EVC: variants seen among roughly 807,000 people sequenced by gnomAD.
EVC encodes the protein evC complex member EVC.
EVC carries 116 observed loss-of-function variants against 118.9 expected under a neutral mutation model. That is an observed-to-expected ratio of 0.98 (90% confidence interval 0.84 to 1.14). EVC has a LOEUF of 1.14. Ranked by LOEUF, EVC falls within the 50% of genes most tolerant of loss-of-function variation. The pLI, the probability that EVC is intolerant of heterozygous loss-of-function variation, is 0.00. For synonymous variants in EVC, 619 were observed against 534.7 expected, an observed-to-expected ratio of 1.16 and a Z score of -2.18; for missense variants, 1,401 against 1,246.4, an observed-to-expected ratio of 1.12 and a Z score of -1.87.
chr4:5,782,488 G>T (rs865959185), intron 11 of EVC, among the ~76,000 whole-genome samples: 1 of 109,108 alleles, frequency 9.2e-6, no homozygotes. Flanking sequence ...CCACCTCCCA[G>T]GTTCACGCCA....
In EVC at chr4:5,737,663, C is replaced by T. The variant is rs1026659563; in HGVS notation, c.703-4053C>T. On this transcript the variant is annotated intron_variant, in intron 5 of 20. Coordinates refer to ENST00000264956, the MANE Select transcript of EVC (RefSeq NM_153717.3). The surrounding 1 kb of genome is among the most constrained non-coding windows in gnomAD (Gnocchi z 5.0). Reference sequence around the variant, plus strand: ...GTGCTCTATAAGTGGAACAACAAAGCCTGGATCACAACACAGCTGTTTATA... The same window carrying T: ...GTGCTCTATAAGTGGAACAACAAAGTCTGGATCACAACACAGCTGTTTATA... Among the ~76,000 whole-genome samples, 1 of 152,152 alleles carries T rather than the reference C, an allele frequency of 6.6e-6. No individual in the cohort carries two copies. Among genetic ancestry groups the T allele is most frequent in the Non-Finnish European group, 1.5e-5 (1 of 68,016 alleles).
chr4:5,750,084 G>T (rs1184784977), intron 8 of EVC, among the ~76,000 whole-genome samples: 1 of 152,076 alleles, frequency 6.6e-6, no homozygotes, highest in African/African-American at 2.4e-5. Context: ...CGAAAGATAG[G>T]TATGGAAGAT....
Position 5,798,486 on chromosome 4 carries a change from C to A in EVC, c.2098-100C>A. 8.0e-7 allele frequency: 1 copy of A among 1,253,132 alleles called. No individual in the cohort carries two copies. Among genetic ancestry groups the A allele is most frequent in the South Asian group, 1.3e-5 (1 of 77,816 alleles). 77.6% of individuals were successfully genotyped at this position (1,253,132 alleles called of 1,614,324 possible). The stretch of plus-strand genomic sequence containing the variant: ...GCCCTTTCTCCATCCCTTTTCCAAC[C>A]CCTGGGCCCTGGATAGGACCAGCCC... On this transcript the variant is annotated intron_variant, in intron 14 of 20. Transcript: ENST00000264956. The surrounding 1 kb of genome is among the most constrained non-coding windows in gnomAD (Gnocchi z 4.1).
intron 18 of EVC, among the ~76,000 whole-genome samples, chr4:5,808,891 A>G (rs762856762): frequency 1.3e-5 from 2 of 152,224 alleles, no homozygotes; most frequent in Non-Finnish European, 2.9e-5. Flanking sequence ...AGCATTTAGC[A>G]GAGTGTTGGC....
At chr4:5,799,799 C>T (rs1325981607) in intron 15 of EVC, among the ~76,000 whole-genome samples, 1 of 152,230 alleles carries the variant, frequency 6.6e-6, no homozygotes, top group African/African-American at 2.4e-5. Flanking sequence ...ATTTCTGCAA[C>T]ACCCTGTCTT....
Position 5,742,922 on chromosome 4 carries a change from G to A in EVC, c.801+1108G>A, listed in dbSNP as rs187882989. Among the ~76,000 whole-genome samples, 10 of 152,340 alleles carry A rather than the reference G, an allele frequency of 6.6e-5. No individual in the cohort carries two copies. Among genetic ancestry groups the A allele is most frequent in the East Asian group, 1.9e-4 (1 of 5,184 alleles). On this transcript the variant is annotated intron_variant, in intron 6 of 20. Coordinates refer to ENST00000264956, the MANE Select transcript of EVC (RefSeq NM_153717.3). The surrounding 1 kb of genome is among the most constrained non-coding windows in gnomAD (Gnocchi z 5.2). Reference sequence around the variant, plus strand: ...ACTCCTTGCGGAGCAGGGCTAACCCGTAGGCAGTGTGCCCAGAGTTGGTAA... The same window carrying A: ...ACTCCTTGCGGAGCAGGGCTAACCCATAGGCAGTGTGCCCAGAGTTGGTAA...
At chr4:5,728,744 GACTGCATGTGCTTAT>G (rs1385328753) in intron 2 of EVC, among the ~76,000 whole-genome samples, 1 of 152,184 alleles carries the variant, frequency 6.6e-6, no homozygotes, top group Non-Finnish European at 1.5e-5. Flanking sequence ...GTGTGAATAT[GACTGCATGTGCTTAT>G]ACCCCTGGCA....
chr4:5,806,593 T>C (rs558300352), intron 17 of EVC, among the ~76,000 whole-genome samples: 5 of 152,282 alleles, frequency 3.3e-5, no homozygotes, highest in South Asian at 2.1e-4. Context: ...CAGTCCTCCA[T>C]TGATGGACAC....
In EVC at chr4:5,755,745, G is replaced by C. The variant is rs1337136901; in HGVS notation, c.1465-519G>C. ...CTTCTGCCCCACCTCGCCCCTCGCTGATGCTCTGTTTAGGGCTGGCTGGGT... is the reference window on the plus strand; with the variant it reads ...CTTCTGCCCCACCTCGCCCCTCGCTCATGCTCTGTTTAGGGCTGGCTGGGT... On this transcript the variant is annotated intron_variant, in intron 10 of 20. Transcript: ENST00000264956. The surrounding 1 kb of genome is among the most constrained non-coding windows in gnomAD (Gnocchi z 4.1). 6.6e-6 allele frequency among the ~76,000 whole-genome samples: 1 copy of C among 152,142 alleles called. No homozygotes were observed. The highest frequency in any genetic ancestry group is 1.5e-5 in the Non-Finnish European group (1 of 68,028).
downstream of EVC, among the ~76,000 whole-genome samples, chr4:5,815,258 C>T (rs1460402540): frequency 1.3e-5 from 2 of 152,194 alleles, no homozygotes; most frequent in African/African-American, 2.4e-5. Flanking sequence ...GCTCCATGAG[C>T]TTTACAGTGA....
intron 11 of EVC, among the ~76,000 whole-genome samples, chr4:5,772,927 C>T (rs1424029158): frequency 6.6e-6 from 1 of 152,130 alleles, no homozygotes; most frequent in Non-Finnish European, 1.5e-5. Context: ...TTTAGGGGAG[C>T]CCTCCTCTGA....
chr4:5,824,295 C>G, the EVC span: 1 of 985,230 alleles, frequency 1.0e-6, no homozygotes, highest in Non-Finnish European at 1.2e-6. Flanking sequence ...TGACTTTTAG[C>G]ATTCTATTTA....
intron 11 of EVC, among the ~76,000 whole-genome samples, chr4:5,775,071 TG>T (rs1324642603): frequency 1.3e-5 from 2 of 152,134 alleles, no homozygotes; most frequent in Non-Finnish European, 2.9e-5. Flanking sequence ...CGCATATTTT[TG>T]TGATTTGACC....
intron 1 of EVC, among the ~76,000 whole-genome samples, chr4:5,715,094 G>T (rs1331356036): frequency 6.6e-6 from 1 of 152,114 alleles, no homozygotes; most frequent in African/African-American, 2.4e-5. Flanking sequence ...GATCACAGGT[G>T]TGAGCCACCA....
At chr4:5,762,620 T>A (rs1447544019) in intron 11 of EVC, among the ~76,000 whole-genome samples, 1 of 150,066 alleles carries the variant, frequency 6.7e-6, no homozygotes, top group African/African-American at 2.5e-5. Context: ...GGTATCTCAT[T>A]GTGGTTTTGA....
chr4:5,786,120 G>T (rs1234698267), intron 12 of EVC, among the ~76,000 whole-genome samples: 1 of 152,168 alleles, frequency 6.6e-6, no homozygotes, highest in Non-Finnish European at 1.5e-5. Flanking sequence ...GCAACTCTGT[G>T]ATTTTACACA....
rs762055337 is a variant in EVC at position 5,804,976 on chromosome 4, G to A, written c.2561+135G>A. 16 of 767,168 alleles carry A rather than the reference G, an allele frequency of 2.1e-5. No homozygotes were observed. The Middle Eastern group carries it at 1.1e-3, about 51-fold the overall frequency. The allele number at this position is 767,168 out of a possible 1,614,324, so 47.5% of individuals were successfully genotyped here. ...TGGGGGCCATCGGCCTTCCTCACCC[G>A]CTGCCTCTGTCCTGGTCTCTGCCCT... On this transcript the variant is annotated intron_variant, in intron 17 of 20. Transcript: ENST00000264956.
At chr4:5,773,199 C>A (rs1734248651) in intron 11 of EVC, among the ~76,000 whole-genome samples, 1 of 152,160 alleles carries the variant, frequency 6.6e-6, no homozygotes, top group East Asian at 1.9e-4. Flanking sequence ...TTTTAGGACC[C>A]CCTCCATCTC....
At chr4:5,784,912 T>C (rs1736195731) in intron 12 of EVC, among the ~76,000 whole-genome samples, 1 of 152,164 alleles carries the variant, frequency 6.6e-6, no homozygotes. Flanking sequence ...CCAGCCCAGA[T>C]TGATTTTATC....
Sources: allele counts gnomAD v4.1 joint callset (sites outside exome capture counted in the v4.1 genomes callset), GRCh38; gene constraint gnomAD v4.1.1; non-coding constraint Gnocchi (gnomAD v3.1); transcripts MANE v1.5; gene names NCBI Gene and HGNC (gene_info 2026-07-23, HGNC 2026-07-21).